Variants in TRPM8 observed in about 807,000 individuals in gnomAD.
TRPM8 encodes transient receptor potential cation channel subfamily M member 8.
A neutral mutation model predicts 133.7 loss-of-function variants in TRPM8; 110 were observed. The observed-to-expected ratio is 0.82, with a 90% CI of 0.70 to 0.96. The LOEUF (loss-of-function observed/expected upper bound fraction) is 0.96. Among genes scored for constraint, TRPM8 ranks in the 40% least tolerant of loss-of-function variants. TRPM8 has a pLI of 0.00. For missense variants in TRPM8, 1,291 were observed against 1,379.5 expected (o/e 0.94, Z 1.02); for synonymous variants, 535 against 532.3 (o/e 1.01, Z -0.07).
At chr2:233,921,660 T>C (rs1187197009) in intron 1 of TRPM8, among the ~76,000 whole-genome samples, 1 of 148,386 alleles carries the variant, frequency 6.7e-6, no homozygotes, top group Non-Finnish European at 1.5e-5. Flanking sequence ...TTTTCTTTTT[T>C]CTTTTTCTTT....
intron 21 of TRPM8, among the ~76,000 whole-genome samples, chr2:233,995,111 T>C (rs17864771): frequency 2.0e-5 from 3 of 152,158 alleles, no homozygotes; most frequent in African/African-American, 7.2e-5. Context: ...TGGGGCTGGA[T>C]TGCGGGGTCC....
chr2:233,942,648 C>T lies in TRPM8; in HGVS notation c.599C>T (p.Thr200Ile). The change falls in exon 6 of 26, where the codon ACC becomes ATC. Residue 200 changes from threonine to isoleucine, a missense_variant. Transcript: ENST00000324695. The part of the protein sequence containing the change: ...KYIGEVVRDN[T>I]ISRSSEENIV... ...ATCGGGGAGGTGGTGAGAGATAACA[C>T]CATCAGCAGGAGTTCAGAGGAGAAT... 3 of 1,614,172 alleles carry T rather than the reference C, an allele frequency of 1.9e-6. No homozygotes were observed. Among genetic ancestry groups the T allele is most frequent in the South Asian group, 1.1e-5 (1 of 91,078 alleles).
intron 12 of TRPM8, among the ~76,000 whole-genome samples, chr2:233,962,148 G>A (rs1286638125): frequency 6.6e-6 from 1 of 152,190 alleles, no homozygotes; most frequent in Non-Finnish European, 1.5e-5. Flanking sequence ...GGATAAATCT[G>A]GATATTCACT....
At chr2:233,977,156 G>A (rs904612294) in intron 17 of TRPM8, among the ~76,000 whole-genome samples, 3 of 152,164 alleles carry the variant, frequency 2.0e-5, no homozygotes, top group Admixed American at 2.0e-4. Context: ...CAGTCAATAA[G>A]TGCAAATACA....
At chr2:233,953,872 T>C (rs1691228522) in intron 9 of TRPM8, 45 bp from the exon 10 acceptor site, 1 of 1,483,150 alleles carries the variant, frequency 6.7e-7, no homozygotes, top group East Asian at 2.3e-5. Flanking sequence ...ATGCTCCTCA[T>C]GCCTAAAATC....
chr2:233,996,504 T>C lies in TRPM8; in HGVS notation c.3118T>C (p.Ser1040Pro). 1 of 1,614,038 alleles carries C rather than the reference T, an allele frequency of 6.2e-7. No homozygotes were observed. Among genetic ancestry groups the C allele is most frequent in the Non-Finnish European group, 8.5e-7 (1 of 1,179,998 alleles). ...KCCCKEKNME[S>P]SVCCFKNEDN... The stretch of plus-strand genomic sequence containing the variant: ...TTGCTGCAAGGAGAAAAACATGGAG[T>C]CTTCTGTCTGCTGTGAGTGGTTTAT... The change falls in exon 22 of 26, where the codon TCT (serine) becomes CCT (proline). Residue 1040 changes from serine (S) to proline (P), a missense_variant. Physicochemically the swap from Ser to Pro is moderately conservative, Grantham distance 74. Around this residue, in one of 2 missense-constraint regions of TRPM8, gnomAD observed 328 missense variants for 410.6 expected, o/e 0.80. Coordinates refer to ENST00000324695, the MANE Select transcript of TRPM8 (RefSeq NM_024080.5).
chr2:233,958,536 T>A (rs574461096), intron 11 of TRPM8, among the ~76,000 whole-genome samples: 2 of 152,296 alleles, frequency 1.3e-5, no homozygotes, highest in Non-Finnish European at 2.9e-5. Flanking sequence ...GCCCTCTACA[T>A]GATTCTGATT....
intron 5 of TRPM8, among the ~76,000 whole-genome samples, chr2:233,942,071 C>CTGTTTTTTTTTTTT (rs1553656129): frequency 9.0e-6 from 1 of 111,704 alleles, no homozygotes; most frequent in Non-Finnish European, 1.7e-5. Context: ...GGTCAAGAAT[C>CTGTTTTTTTTTTTT]TTTTTTTTTT....
chr2:233,973,660 C>A (rs937288349), intron 17 of TRPM8, among the ~76,000 whole-genome samples: 1 of 152,214 alleles, frequency 6.6e-6, no homozygotes, highest in Admixed American at 6.5e-5. Context: ...TTTGGAGACA[C>A]AATTTAACCT....
Position 234,018,249 on chromosome 2 carries a change from C to T in TRPM8, c.*993C>T, listed in dbSNP as rs1693005350. 6.6e-6 allele frequency: 1 copy of T among 151,782 alleles called. No homozygotes were observed. Among genetic ancestry groups the T allele is most frequent in the African/African-American group, 2.4e-5 (1 of 41,316 alleles). 9.4% of individuals were successfully genotyped at this position (151,782 alleles called of 1,614,324 possible). A position where few individuals can be genotyped will look rare whatever the true frequency, so the allele number is the denominator to read the frequency against. ...AATATGTTTTTATTATATTCATAGC[C>T]TTCTTAAACATTATATCAATAATTG... On this transcript the variant is annotated 3_prime_UTR_variant, in exon 26 of 26. Transcript: ENST00000324695.
Position 233,983,070 on chromosome 2 carries a change from C to T in TRPM8, c.2607C>T (p.Phe869=). Residue 869 remains phenylalanine (F), a synonymous_variant, in exon 20 of 26, where the codon TTC becomes TTT. Coordinates refer to ENST00000324695, the MANE Select transcript of TRPM8 (RefSeq NM_024080.5). The part of the protein sequence containing the change: ...MLQRMLIDVF[F]FLFLFAVWMV... The stretch of plus-strand genomic sequence containing the variant: ...CCTGACAGCTGATCGATGTGTTCTT[C>T]TTCCTGTTCCTCTTTGCGGTGTGGA... The T allele has an allele frequency of 3.1e-6, 5 of 1,613,684 alleles. No homozygotes were observed. Among genetic ancestry groups the T allele is most frequent in the Non-Finnish European group, 4.2e-6 (5 of 1,179,584 alleles).
intron 11 of TRPM8, 132 bp downstream of exon 11, chr2:233,955,382 A>G: frequency 1.5e-6 from 1 of 658,918 alleles, no homozygotes; most frequent in Admixed American, 2.6e-5. Context: ...GAATATCAGG[A>G]TTGCTGAGGC....
At chr2:233,993,531 G>C (rs1692333174) in intron 21 of TRPM8, among the ~76,000 whole-genome samples, 1 of 152,326 alleles carries the variant, frequency 6.6e-6, no homozygotes, top group African/African-American at 2.4e-5. Flanking sequence ...GCACCTCCCT[G>C]CTTTGTAAAA....
chr2:233,969,034 T>A (rs1162034758), intron 15 of TRPM8, among the ~76,000 whole-genome samples: 1 of 152,136 alleles, frequency 6.6e-6, no homozygotes, highest in Non-Finnish European at 1.5e-5. Context: ...GAATTTGTGA[T>A]CATTGAAGAC....
chr2:233,920,660 T>C (rs1228084591), intron 1 of TRPM8, among the ~76,000 whole-genome samples: 1 of 152,218 alleles, frequency 6.6e-6, no homozygotes, highest in African/African-American at 2.4e-5. Context: ...GCTTTTGGCA[T>C]AGGCATTTTT....
chr2:233,943,369 C>T (rs1432162979), intron 6 of TRPM8, among the ~76,000 whole-genome samples: 1 of 152,020 alleles, frequency 6.6e-6, no homozygotes, highest in Admixed American at 6.5e-5. Context: ...ACATATACAC[C>T]ATGGAATACT....
In TRPM8 at chr2:234,018,313, C is replaced by T. The variant is rs199985833; in HGVS notation, c.*1057C>T. The T allele has an allele frequency of 6.6e-6, 1 of 151,990 alleles. No individual in the cohort carries two copies. The highest frequency in any genetic ancestry group is 1.5e-5 in the Non-Finnish European group (1 of 67,978). 9.4% of individuals were successfully genotyped at this position (151,990 alleles called of 1,614,324 possible). A position where few individuals can be genotyped will look rare whatever the true frequency, so the allele number is the denominator to read the frequency against. ...CTCTAGCGATTACCATAATTTTGCT[C>T]ATTGAAGGCTATCTCCAGTTGATCA... On this transcript the variant is annotated 3_prime_UTR_variant, in exon 26 of 26. Coordinates refer to ENST00000324695, the MANE Select transcript of TRPM8 (RefSeq NM_024080.5).
At position 233,970,391 on chromosome 2, in the gene TRPM8, C is replaced by T. The variant is rs1482617678; in HGVS notation, c.2320C>T (p.Leu774=). The change falls in exon 17 of 26, where the codon CTG becomes TTG. Residue 774 remains leucine (L), a synonymous_variant. Transcript: ENST00000324695. ...CCCCCCCGAGCTGGTCCTGTACTCG[C>T]TGGTCTTTGTCCTCTTCTGTGATGA... ...PHPPELVLYS[L]VFVLFCDEVR... 6.2e-7 allele frequency: 1 copy of T among 1,614,140 alleles called. No individual in the cohort carries two copies. Among genetic ancestry groups the T allele is most frequent in the Non-Finnish European group, 8.5e-7 (1 of 1,180,034 alleles).
At chr2:233,976,129 C>T (rs1691866889) in intron 17 of TRPM8, among the ~76,000 whole-genome samples, 1 of 152,214 alleles carries the variant, frequency 6.6e-6, no homozygotes, top group South Asian at 2.1e-4. Flanking sequence ...ATGGACCAAA[C>T]AGACGAAGAT....
Sources: allele counts gnomAD v4.1 joint callset (sites outside exome capture counted in the v4.1 genomes callset), GRCh38; gene constraint gnomAD v4.1.1; regional missense constraint gnomAD v4.1.1; transcripts MANE v1.5; gene names NCBI Gene and HGNC (gene_info 2026-07-23, HGNC 2026-07-21).